Variants in MTERF4 observed in about 807,000 individuals in gnomAD.
MTERF4 encodes the protein mitochondrial transcription termination factor 4, also known as transcription termination factor 4, mitochondrial.
Under a neutral mutation model 22.5 loss-of-function variants are expected in MTERF4, and 17 were observed. That is an observed-to-expected ratio of 0.75 (90% CI 0.52 to 1.13). The LOEUF is 1.13. Among genes scored for constraint, MTERF4 ranks in the 50% most tolerant of loss-of-function variants. MTERF4 has a pLI of 0.00. For synonymous variants in MTERF4, 165 were observed against 175.3 expected (o/e 0.94, Z 0.47); for missense variants, 420 against 466.8 (o/e 0.90, Z 0.92).
downstream of MTERF4, chr2:241,094,265 G>C: frequency 2.1e-6 from 1 of 468,662 alleles, no homozygotes. The surrounding 1 kb of genome is among the most constrained non-coding windows in gnomAD (Gnocchi z 4.3). Context: ...CCCCACTCAG[G>C]TATCAGCTCA....
chr2:241,064,753 G>C, the MTERF4 span: 1 of 889,630 alleles, frequency 1.1e-6, no homozygotes, highest in Admixed American at 3.3e-5. The surrounding 1 kb of genome is among the most constrained non-coding windows in gnomAD (Gnocchi z 7.0). Flanking sequence ...ACCCACGCAG[G>C]AGGGACCCAG....
intron 4 of MTERF4, chr2:241,081,665 C>T (rs781204331): frequency 3.2e-6 from 5 of 1,577,104 alleles, no homozygotes; most frequent in South Asian, 2.3e-5. Context: ...CTCTCGTGAC[C>T]TCTGTTTCCA....
At chr2:241,088,292 G>A, downstream of MTERF4, 2 of 1,074,712 alleles carry the variant, frequency 1.9e-6, no homozygotes, top group South Asian at 1.3e-5. Context: ...CAGGCAGCCT[G>A]GACTGAGGTA....
At chr2:241,089,076 CCACA>C, downstream of MTERF4, 1 of 447,168 alleles carries the variant, frequency 2.2e-6, no homozygotes, top group Non-Finnish European at 3.9e-6. Context: ...CCCCACCTCC[CCACA>C]CAAACTGCCG....
chr2:241,092,824 T>G (rs1336097081), downstream of MTERF4: 1 of 152,192 alleles, frequency 6.6e-6, no homozygotes, highest in East Asian at 1.9e-4. The surrounding 1 kb of genome is among the most constrained non-coding windows in gnomAD (Gnocchi z 4.6). Context: ...CCACCATGCT[T>G]CTAAGCAGCT....
At chr2:241,072,170 A>C in exon 5 of MTERF4, 1 of 650,748 alleles carries the variant, frequency 1.5e-6, no homozygotes, top group Non-Finnish European at 2.8e-6. Context: ...AGCAGGTCTG[A>C]GACATTACAG....
chr2:241,049,976 A>G, the MTERF4 span: 3 of 1,462,500 alleles, frequency 2.1e-6, no homozygotes, highest in Non-Finnish European at 2.9e-6. Context: ...AGCACCCTGG[A>G]GAGCGCCCGC....
At chr2:241,092,884 C>G (rs1235053428), downstream of MTERF4, 1 of 152,298 alleles carries the variant, frequency 6.6e-6, no homozygotes, top group South Asian at 2.1e-4. The surrounding 1 kb of genome is among the most constrained non-coding windows in gnomAD (Gnocchi z 4.6). Flanking sequence ...CACCTCCTCT[C>G]GTGTTGAGCC....
chr2:241,063,279 G>C, the MTERF4 span: 9 of 494,328 alleles, frequency 1.8e-5, 1 homozygote, highest in East Asian at 3.4e-4. Flanking sequence ...CCTGAGAAAC[G>C]CAGGCTCCAG....
chr2:241,089,144 AC>A, downstream of MTERF4: 1 of 670,822 alleles, frequency 1.5e-6, no homozygotes, highest in Non-Finnish European at 2.5e-6. Context: ...ACTGGGATAT[AC>A]CATAGAAAGC....
chr2:241,071,750 C>A, downstream of MTERF4: 1 of 1,544,244 alleles, frequency 6.5e-7, no homozygotes, highest in Non-Finnish European at 8.8e-7. Context: ...GCCCCATCGC[C>A]CGAGGCGGCG....
downstream of MTERF4, among the ~76,000 whole-genome samples, chr2:241,067,570 G>A (rs977305449): frequency 6.6e-6 from 1 of 152,176 alleles, no homozygotes; most frequent in African/African-American, 2.4e-5. Flanking sequence ...AGCGGGTTCT[G>A]CAGCTGTCAG....
chr2:241,078,714 G>C (rs1055699090), intron 4 of MTERF4, among the ~76,000 whole-genome samples: 3 of 151,890 alleles, frequency 2.0e-5, no homozygotes, highest in Non-Finnish European at 4.4e-5. Context: ...TTCTAAAATT[G>C]TGCTGATGGA....
At chr2:241,077,429 T>C (rs1171608183) in intron 4 of MTERF4, among the ~76,000 whole-genome samples, 1 of 152,144 alleles carries the variant, frequency 6.6e-6, no homozygotes, top group Non-Finnish European at 1.5e-5. Flanking sequence ...CTACTCTTCA[T>C]CAAAACTTAA....
At chr2:241,089,055 C>A, downstream of MTERF4, 1 of 399,640 alleles carries the variant, frequency 2.5e-6, no homozygotes, top group Non-Finnish European at 4.5e-6. Flanking sequence ...GGCAACCAAA[C>A]CCCATCCTGC....
At chr2:241,065,956 G>C in the MTERF4 span, among the ~76,000 whole-genome samples, 8 of 152,112 alleles carry the variant, frequency 5.3e-5, no homozygotes, top group African/African-American at 1.4e-4. Flanking sequence ...GGTGGGCTTG[G>C]GGGGGCTGGG....
the MTERF4 span, chr2:241,064,749 G>A: frequency 7.1e-6 from 6 of 844,214 alleles, no homozygotes; most frequent in Admixed American, 3.4e-5. This position sits in a 1 kb window ranked among gnomAD's most constrained non-coding sequence, Gnocchi z 7.0. Context: ...CCACACCCAC[G>A]CAGGAGGGAC....
In MTERF4 at chr2:241,096,343, G is replaced by C; in HGVS notation, c.801C>G (p.Tyr267Ter). The stretch of plus-strand genomic sequence containing the variant: ...TTTGGTACCGTCCCAGGCGCTCCAG[G>C]TAAATGTGTCTCTGCTTAATCTTGG... ...SLTKIKQRHI[Y>*]LERLGRYQTP... is the part of the protein sequence containing the mutation. Residue 267 changes from tyrosine to a stop codon, truncating the protein, a stop_gained, in exon 4 of 4, where the codon TAC becomes TAG. Coordinates refer to ENST00000391980, the MANE Select transcript of MTERF4 (RefSeq NM_182501.4). LOFTEE classifies it low-confidence loss of function (END_TRUNC). The surrounding 1 kb of genome is among the most constrained non-coding windows in gnomAD (Gnocchi z 5.1). 1 of 1,614,148 alleles carries C rather than the reference G, an allele frequency of 6.2e-7. No homozygotes were observed. Among genetic ancestry groups the C allele is most frequent in the Non-Finnish European group, 8.5e-7 (1 of 1,180,034 alleles).
chr2:241,078,641 A>C (rs1326386382), intron 4 of MTERF4, among the ~76,000 whole-genome samples: 1 of 151,702 alleles, frequency 6.6e-6, no homozygotes, highest in Non-Finnish European at 1.5e-5. Context: ...TGGAGGGTGG[A>C]GGGGATGGGG....
Sources: allele counts gnomAD v4.1 joint callset (sites outside exome capture counted in the v4.1 genomes callset), GRCh38; gene constraint gnomAD v4.1.1; non-coding constraint Gnocchi (gnomAD v3.1); transcripts MANE v1.5; gene names NCBI Gene and HGNC (gene_info 2026-07-23, HGNC 2026-07-21).